The following CSMD2 variants were observed in gnomAD, a reference collection of about 807,000 sequenced individuals.
CSMD2 encodes the protein CUB and Sushi multiple domains 2, also known as CUB and sushi domain-containing protein 2.
CSMD2 carries 130 observed loss-of-function variants against 398.5 expected under a neutral mutation model. The ratio of observed to expected loss-of-function variants is 0.33; its 90% confidence interval spans 0.28 to 0.38. The LOEUF (loss-of-function observed/expected upper bound fraction) is 0.38. Ranked by LOEUF, CSMD2 falls within the 10% of genes least tolerant of loss-of-function variation. CSMD2 has a pLI of 1.00. For synonymous variants in CSMD2, 1,828 were observed against 1,908.5 expected (o/e 0.96, Z 1.10); for missense variants, 3,829 against 4,764.9 (o/e 0.80, Z 5.78).
At chr1:33,570,394 G>A (rs528629843) in intron 51 of CSMD2, among the ~76,000 whole-genome samples, 7 of 148,256 alleles carry the variant, frequency 4.7e-5, no homozygotes, top group African/African-American at 1.5e-4. Context: ...GGCTGGTCTC[G>A]AACTCCTGAC....
At chr1:33,546,307 T>G in intron 56 of CSMD2, 88 bp from the exon 57 acceptor site, 1 of 1,357,574 alleles carries the variant, frequency 7.4e-7, no homozygotes, top group Non-Finnish European at 1.0e-6. Flanking sequence ...GGGATGGGAC[T>G]AAGGGGATGC....
chr1:34,025,283 C>A (rs1266624981), intron 3 of CSMD2, among the ~76,000 whole-genome samples: 2 of 152,002 alleles, frequency 1.3e-5, no homozygotes, highest in South Asian at 2.1e-4. Flanking sequence ...CCAGAAGTGA[C>A]ACTAAGTGGA....
chr1:34,074,437 A>T (rs376273771), intron 2 of CSMD2, among the ~76,000 whole-genome samples: 1 of 152,172 alleles, frequency 6.6e-6, no homozygotes, highest in South Asian at 2.1e-4. Flanking sequence ...AGCCAAAATG[A>T]ACCTACCCAT....
intron 15 of CSMD2, among the ~76,000 whole-genome samples, chr1:33,729,928 T>C (rs1646667870): frequency 6.6e-6 from 1 of 152,198 alleles, no homozygotes. Context: ...GCATTTACTC[T>C]CTGACCCAGC....
At chr1:33,731,166 G>T (rs1406031749) in intron 15 of CSMD2, among the ~76,000 whole-genome samples, 1 of 152,134 alleles carries the variant, frequency 6.6e-6, no homozygotes, top group African/African-American at 2.4e-5. Flanking sequence ...ACTTTGGAAG[G>T]TGTTAGGGAA....
chr1:33,766,584 G>A (rs939907310), intron 13 of CSMD2, among the ~76,000 whole-genome samples: 3 of 152,206 alleles, frequency 2.0e-5, no homozygotes, highest in Non-Finnish European at 4.4e-5. Context: ...TTGAGGACAC[G>A]GACCGTGCCC....
intron 3 of CSMD2, among the ~76,000 whole-genome samples, chr1:33,956,811 T>C (rs1645184562): frequency 6.6e-6 from 1 of 152,144 alleles, no homozygotes; most frequent in Non-Finnish European, 1.5e-5. Flanking sequence ...ACACAGCAGC[T>C]AGAGGGATCT....
chr1:33,537,722 A>C lies in CSMD2; in HGVS notation c.9632-113T>G, dbSNP rs1570656665. 2 of 1,173,836 alleles carry C rather than the reference A, an allele frequency of 1.7e-6. No individual in the cohort carries two copies. The highest frequency in any genetic ancestry group is 2.6e-5 in the East Asian group (1 of 38,068). 72.7% of individuals were successfully genotyped at this position (1,173,836 alleles called of 1,614,324 possible). ...CTGCTCCCTTCCTGGTTGAGCTTGA[A>C]CTCTGGGAACCGGGGCAGCCCCAGG... is the stretch of plus-strand genomic sequence containing the variant. On this transcript the variant is annotated intron_variant, in intron 60 of 70. Coordinates refer to ENST00000373381, the MANE Select transcript of CSMD2 (RefSeq NM_001281956.2). The surrounding 1 kb of genome is among the most constrained non-coding windows in gnomAD (Gnocchi z 4.6).
Position 33,707,691 on chromosome 1 carries a change from GCGCGCACACACACACA to G in CSMD2, c.3576+1382_3576+1397del, listed in dbSNP as rs1180987853. On this transcript the variant is annotated intron_variant, in intron 22 of 70. Transcript: ENST00000373381. ...AACACGCACGCGTGCACACGCGCGC[GCGCGCACACACACACA>G]CACACACACACACACACACACACAC... Among the ~76,000 whole-genome samples the G allele has an allele frequency of 7.7e-3, 440 of 56,876 alleles. 7 individuals carry two copies. The highest frequency in any genetic ancestry group is 0.019 in the African/African-American group (402 of 21,194). 37.3% of individuals were successfully genotyped at this position (56,876 alleles called of 152,430 possible).
At chr1:34,060,547 C>T (rs539431728) in intron 2 of CSMD2, among the ~76,000 whole-genome samples, 3 of 152,148 alleles carry the variant, frequency 2.0e-5, no homozygotes, top group Non-Finnish European at 4.4e-5. Flanking sequence ...CCCAGCGTAC[C>T]TCGCCCCCAG....
At chr1:33,773,260 G>A (rs190248108) in intron 12 of CSMD2, among the ~76,000 whole-genome samples, 3 of 152,354 alleles carry the variant, frequency 2.0e-5, no homozygotes. Context: ...CAGCAGTTGA[G>A]GCTTTGCTCC....
intron 1 of CSMD2, among the ~76,000 whole-genome samples, chr1:34,142,406 C>T (rs1041603219): frequency 1.3e-5 from 2 of 152,176 alleles, no homozygotes; most frequent in East Asian, 3.9e-4. Flanking sequence ...CCCCAGGAGA[C>T]GCAAGTCCTG....
chr1:33,557,649 C>G, intron 55 of CSMD2, 85 bp downstream of exon 55: 1 of 1,149,294 alleles, frequency 8.7e-7, no homozygotes, highest in Non-Finnish European at 1.2e-6. Flanking sequence ...CACACACACA[C>G]ACACACACAC....
At chr1:33,936,035 C>A in intron 3 of CSMD2, 81 bp from the exon 4 acceptor site, 17 of 1,217,894 alleles carry the variant, frequency 1.4e-5, no homozygotes, top group Non-Finnish European at 1.9e-5. Context: ...AGTAGCAACT[C>A]CCTAGGCCAC....
chr1:33,810,201 A>T (rs1656698819), intron 10 of CSMD2, among the ~76,000 whole-genome samples: 1 of 152,202 alleles, frequency 6.6e-6, no homozygotes, highest in South Asian at 2.1e-4. Flanking sequence ...GGAGAAAAAA[A>T]CTCAACAGGA....
intron 3 of CSMD2, among the ~76,000 whole-genome samples, chr1:33,938,596 A>C (rs76818146): frequency 0.045 from 3,181 of 71,182 alleles, no homozygotes; most frequent in Middle Eastern, 0.17. Context: ...TTCCCATGAT[A>C]CCATGTTGCT....
At chr1:33,887,415 A>G (rs1641676552) in intron 5 of CSMD2, among the ~76,000 whole-genome samples, 1 of 152,188 alleles carries the variant, frequency 6.6e-6, no homozygotes, top group Non-Finnish European at 1.5e-5. Context: ...AGAAAATGCT[A>G]ATGTTATAAG....
intron 29 of CSMD2, among the ~76,000 whole-genome samples, chr1:33,642,592 T>A (rs972032144): frequency 6.6e-6 from 1 of 152,200 alleles, no homozygotes; most frequent in African/African-American, 2.4e-5. Flanking sequence ...TTTGGGAGTT[T>A]ATGCTTTCTG....
Position 33,968,339 on chromosome 1 carries a change from A to G in CSMD2, c.518-32385T>C, listed in dbSNP as rs570988295. 2.2e-4 allele frequency among the ~76,000 whole-genome samples: 33 copies of G among 152,320 alleles called. No homozygotes were observed. The South Asian group carries it at 6.8e-3, about 32-fold the overall frequency. ...CAGATGGCCCCCAAGGTGACTCCCA[A>G]CAATCCTCTAGCATCTGGTGTTCAT... On this transcript the variant is annotated intron_variant, in intron 3 of 70. Transcript: ENST00000373381.
Sources: gnomAD v4.1 joint callset for allele counts (sites outside exome capture counted in the v4.1 genomes callset) on GRCh38, gnomAD v4.1.1 for gene constraint, Gnocchi (gnomAD v3.1) non-coding constraint, MANE v1.5 for transcripts, NCBI Gene and HGNC (gene_info 2026-07-23, HGNC 2026-07-21) for gene names.